The following GPHN variants were observed in gnomAD, a reference collection of about 807,000 sequenced individuals.
GPHN encodes gephyrin.
In GPHN, 17 loss-of-function variants were observed where a neutral mutation model predicts 95.5. The observed-to-expected ratio is 0.18, with a 90% confidence interval of 0.12 to 0.27. GPHN has a LOEUF of 0.27. GPHN is among the 10% of genes least tolerant of loss of function. The pLI, the probability that GPHN is intolerant of heterozygous loss-of-function variation, is 1.00. For synonymous variants in GPHN, 320 were observed against 322.5 expected (o/e 0.99, Z 0.08); for missense variants, 660 against 978.1 (o/e 0.67, Z 4.34).
the GPHN span, chr14:67,199,003 CAA>C: frequency 6.1e-5 from 43 of 706,768 alleles, 1 homozygote; most frequent in South Asian, 6.4e-4. Context: ...AGAGGGGTGA[CAA>C]GGGAGGACAA....
the GPHN span, chr14:67,467,621 C>T: frequency 6.6e-6 from 1 of 152,148 alleles, no homozygotes; most frequent in South Asian, 2.1e-4. Context: ...CCTCTCTCTC[C>T]CTTCCATCCC....
chr14:67,534,014 GA>G, the GPHN span, among the ~76,000 whole-genome samples: 2 of 151,952 alleles, frequency 1.3e-5, no homozygotes, highest in African/African-American at 4.8e-5. Context: ...TGCTTGCCAG[GA>G]TATCTCCTCC....
the GPHN span, among the ~76,000 whole-genome samples, chr14:67,499,131 T>C: frequency 6.6e-6 from 1 of 152,116 alleles, no homozygotes; most frequent in South Asian, 2.1e-4. Context: ...GCCTCCTAAG[T>C]AGCTAGGACT....
chr14:67,504,766 T>A, the GPHN span, among the ~76,000 whole-genome samples: 2 of 151,992 alleles, frequency 1.3e-5, no homozygotes, highest in Non-Finnish European at 2.9e-5. Flanking sequence ...GTGCCCATAA[T>A]CCCAGCTACT....
At chr14:67,187,951 C>T in the GPHN span, among the ~76,000 whole-genome samples, 3 of 152,164 alleles carry the variant, frequency 2.0e-5, no homozygotes, top group Admixed American at 2.0e-4. Context: ...TGATGGTAAA[C>T]TTCTTGAGTG....
chr14:67,473,471 C>T, the GPHN span: 10 of 1,614,204 alleles, frequency 6.2e-6, no homozygotes, highest in Admixed American at 8.3e-5. The surrounding 1 kb of genome is among the most constrained non-coding windows in gnomAD (Gnocchi z 6.5). Flanking sequence ...CGCTGGGCTC[C>T]CCGGGCTCAG....
chr14:66,979,154 A>C (rs1039666797), intron 9 of GPHN, among the ~76,000 whole-genome samples: 5 of 152,220 alleles, frequency 3.3e-5, no homozygotes, highest in Non-Finnish European at 7.3e-5. Flanking sequence ...GTACTTCCAG[A>C]ATGGTCACTA....
intron 3 of GPHN, among the ~76,000 whole-genome samples, chr14:66,819,262 G>T (rs746857781): frequency 6.6e-6 from 1 of 152,120 alleles, no homozygotes; most frequent in Admixed American, 6.5e-5. Context: ...GTTAATTTTT[G>T]TATATGGTGT....
intron 11 of GPHN, among the ~76,000 whole-genome samples, chr14:67,083,464 C>G (rs908636900): frequency 6.6e-6 from 1 of 151,994 alleles, no homozygotes. Context: ...TGAGGCCTCC[C>G]CAGAAGAAAA....
chr14:67,162,819 A>G (rs902631659), intron 19 of GPHN, among the ~76,000 whole-genome samples: 5 of 152,244 alleles, frequency 3.3e-5, no homozygotes, highest in African/African-American at 7.2e-5. Context: ...CTTTATCCAC[A>G]TATCAGCTAA....
chr14:67,332,883 A>G, the GPHN span: 1 of 1,614,092 alleles, frequency 6.2e-7, no homozygotes, highest in South Asian at 1.1e-5. Flanking sequence ...GATAAAGCCT[A>G]TCAGGAATTG....
Position 66,891,719 on chromosome 14 carries a change from A to T in GPHN, c.389+11686A>T, listed in dbSNP as rs181395161. ...AACCCATGGAATCAAGAAAATATTC[A>T]CAATCACATATCTGGCAAGGTATTA... On this transcript the variant is annotated intron_variant, in intron 5 of 22. Transcript: ENST00000478722. Among the ~76,000 whole-genome samples, 41 of 152,218 alleles carry T rather than the reference A, an allele frequency of 2.7e-4. No homozygotes were observed. In the East Asian group the frequency reaches 7.5e-3, roughly 28 times the overall value.
At chr14:66,829,661 G>T (rs942362215) in intron 4 of GPHN, among the ~76,000 whole-genome samples, 51 of 152,172 alleles carry the variant, frequency 3.4e-4, no homozygotes, top group African/African-American at 1.2e-3. Flanking sequence ...GCACTAAGCT[G>T]TATTGAATTA....
At chr14:67,365,396 G>T in the GPHN span, among the ~76,000 whole-genome samples, 2 of 152,312 alleles carry the variant, frequency 1.3e-5, no homozygotes, top group African/African-American at 4.8e-5. Flanking sequence ...AGATCACTGG[G>T]TAAGCATGAA....
chr14:66,879,253 T>C (rs1419672015), intron 4 of GPHN, among the ~76,000 whole-genome samples: 3 of 151,442 alleles, frequency 2.0e-5, no homozygotes, highest in African/African-American at 7.3e-5. Context: ...AAATACCTAA[T>C]ATAGACGGGT....
intron 3 of GPHN, among the ~76,000 whole-genome samples, chr14:66,781,493 C>G (rs1253262322): frequency 6.6e-6 from 1 of 152,178 alleles, no homozygotes; most frequent in Admixed American, 6.5e-5. Context: ...GCTGGGATTA[C>G]AGACGTGAGC....
At chr14:67,478,923 A>T in the GPHN span, among the ~76,000 whole-genome samples, 2 of 152,314 alleles carry the variant, frequency 1.3e-5, no homozygotes, top group Admixed American at 6.5e-5. Context: ...AAAAAGCAGG[A>T]TTCAAAACTG....
At chr14:66,811,565 CAAAAT>C (rs2060767542) in intron 3 of GPHN, among the ~76,000 whole-genome samples, 1 of 138,770 alleles carries the variant, frequency 7.2e-6, no homozygotes, top group Non-Finnish European at 1.5e-5. Flanking sequence ...AAAAAAGAAA[CAAAAT>C]ATAAGAACAG....
At chr14:67,081,853 G>T (rs774063073) in intron 11 of GPHN, among the ~76,000 whole-genome samples, 17 of 152,136 alleles carry the variant, frequency 1.1e-4, no homozygotes, top group Admixed American at 3.9e-4. Context: ...GTTGAATAGG[G>T]TGTCCTTTCC....
Sources: gnomAD v4.1 joint callset for allele counts (sites outside exome capture counted in the v4.1 genomes callset) on GRCh38, gnomAD v4.1.1 for gene constraint, Gnocchi (gnomAD v3.1) non-coding constraint, MANE v1.5 for transcripts, NCBI Gene and HGNC (gene_info 2026-07-23, HGNC 2026-07-21) for gene names.